The following VPS37C variants were observed in gnomAD, a reference collection of about 807,000 sequenced individuals.
The protein encoded by VPS37C is VPS37C subunit of ESCRT-I.
In VPS37C, 9 loss-of-function variants were observed where a neutral mutation model predicts 16.1. The observed-to-expected ratio is 0.56, with a 90% CI of 0.34 to 0.97. VPS37C has a LOEUF of 0.97. VPS37C is among the 50% of genes least tolerant of loss of function. The pLI is 0.02. For synonymous variants in VPS37C, 207 were observed against 206.4 expected, an observed-to-expected ratio of 1.00 and a Z score of -0.02; for missense variants, 479 against 472.7, an observed-to-expected ratio of 1.01 and a Z score of -0.12.
At chr11:61,132,790 C>T (rs1229009644) in intron 4 of VPS37C, 16 of 599,868 alleles carry the variant, frequency 2.7e-5, no homozygotes, top group Non-Finnish European at 4.1e-5. Context: ...ACCTTGGCAT[C>T]ATGCCAGGCC....
chr11:61,135,220 G>C (rs1034756073), intron 2 of VPS37C, among the ~76,000 whole-genome samples: 2 of 152,208 alleles, frequency 1.3e-5, no homozygotes, highest in Non-Finnish European at 2.9e-5. Context: ...GAAGCCCGTG[G>C]GCATTCTGGA....
chr11:61,150,992 CT>C (rs1185738432), intron 1 of VPS37C, among the ~76,000 whole-genome samples: 2 of 152,224 alleles, frequency 1.3e-5, no homozygotes. Context: ...CGCTCCTAAG[CT>C]GCTGTCCATC....
At chr11:61,148,167 G>A (rs2134647553) in intron 1 of VPS37C, among the ~76,000 whole-genome samples, 1 of 152,254 alleles carries the variant, frequency 6.6e-6, no homozygotes, top group East Asian at 1.9e-4. Context: ...TCGTGCAGGA[G>A]GATTCCAGCC....
rs533827380 is a variant in VPS37C, at chr11:61,158,239, G to C, written c.-7+3152C>G. ...CTTCAAAACATGTGAAACACAAATT[G>C]ATAAAACTACAAGGGGAAATGGACG... On this transcript the variant is annotated intron_variant, in intron 1 of 4. Coordinates refer to ENST00000301765, the MANE Select transcript of VPS37C (RefSeq NM_017966.5). Among the ~76,000 whole-genome samples the C allele has an allele frequency of 7.2e-5, 11 of 152,284 alleles. No individual in the cohort carries two copies. In the East Asian group the frequency reaches 2.1e-3, roughly 29 times the overall value.
Position 61,131,716 on chromosome 11 carries a change from G to C in VPS37C, c.*104C>G. 8.1e-7 allele frequency: 1 copy of C among 1,229,682 alleles called. No individual in the cohort carries two copies. Among genetic ancestry groups the C allele is most frequent in the Non-Finnish European group, 1.0e-6 (1 of 985,916 alleles). The allele number at this position is 1,229,682 out of a possible 1,614,324, so 76.2% of individuals were successfully genotyped here. On this transcript the variant is annotated 3_prime_UTR_variant, in exon 5 of 5. Coordinates refer to ENST00000301765, the MANE Select transcript of VPS37C (RefSeq NM_017966.5). ...TCTGGGTGCCGACGCAAGTCCACAG[G>C]GAGCACCAACGCCACTTCCAGTTGA... is the stretch of plus-strand genomic sequence containing the variant.
intron 1 of VPS37C, among the ~76,000 whole-genome samples, chr11:61,142,520 C>T (rs12276163): frequency 0.074 from 11,306 of 152,176 alleles, 1,128 homozygotes; most frequent in African/African-American, 0.23. Context: ...AGGTGTGAGC[C>T]ACCACACCCA....
At chr11:61,146,801 T>C (rs1020340599) in intron 1 of VPS37C, among the ~76,000 whole-genome samples, 12 of 152,132 alleles carry the variant, frequency 7.9e-5, no homozygotes, top group African/African-American at 2.9e-4. Context: ...AACACTTGCT[T>C]TTGTTTTTTC....
intron 1 of VPS37C, among the ~76,000 whole-genome samples, chr11:61,151,115 G>A (rs1009663762): frequency 2.6e-5 from 4 of 152,156 alleles, no homozygotes; most frequent in South Asian, 4.1e-4. Context: ...CCAGCTTCAC[G>A]GCCCACGCGC....
In VPS37C at chr11:61,160,638, C is replaced by T. The variant is rs11230618; in HGVS notation, c.-7+753G>A. 8.6e-4 allele frequency among the ~76,000 whole-genome samples: 131 copies of T among 152,302 alleles called. 3 individuals are homozygous for T. In the East Asian group the frequency reaches 0.024, roughly 27 times the overall value. ...CTGGGAAAGCACTGCCTCAGCTCAG[C>T]GACTAAAACCCCAGGTTGTAGAGTC... On this transcript the variant is annotated intron_variant, in intron 1 of 4. Coordinates refer to ENST00000301765, the MANE Select transcript of VPS37C (RefSeq NM_017966.5).
Position 61,131,646 on chromosome 11 carries a change from T to G in VPS37C, c.*174A>C, listed in dbSNP as rs958603638. The G allele has an allele frequency of 7.2e-5, 68 of 941,032 alleles. 1 individual carries two copies. The highest frequency in any genetic ancestry group is 2.1e-4 in the Admixed American group (5 of 23,336). The allele number at this position is 941,032 out of a possible 1,614,324, so 58.3% of individuals were successfully genotyped here. On this transcript the variant is annotated 3_prime_UTR_variant, in exon 5 of 5. Transcript: ENST00000301765. The stretch of plus-strand genomic sequence containing the variant: ...GACCTCTGGCCAGAAGGCCAGCAAG[T>G]GCCATGACCAGTCACACCGCCCAGT...
At position 61,134,026 on chromosome 11, in the gene VPS37C, G is replaced by A. The variant is rs370719867; in HGVS notation, c.265+10C>T. ...ATGGGGACCCTGAGTTCACAGAGGA[G>A]CCACCCTACCCAGCTTTGCCTTCTG... On this transcript the variant is annotated intron_variant, in intron 3 of 4. Coordinates refer to ENST00000301765, the MANE Select transcript of VPS37C (RefSeq NM_017966.5). The A allele has an allele frequency of 6.2e-7, 1 of 1,600,966 alleles. No individual in the cohort carries two copies. The highest frequency in any genetic ancestry group is 8.5e-7 in the Non-Finnish European group (1 of 1,169,830).
At chr11:61,144,635 C>T (rs1232969846) in intron 1 of VPS37C, 1 of 152,426 alleles carries the variant, frequency 6.6e-6, no homozygotes, top group Non-Finnish European at 1.5e-5. Context: ...TGACAATGCA[C>T]ATCACAGAGG....
At chr11:61,143,103 A>T (rs1257241118) in intron 1 of VPS37C, among the ~76,000 whole-genome samples, 1 of 151,712 alleles carries the variant, frequency 6.6e-6, no homozygotes, top group African/African-American at 2.4e-5. Context: ...TGTAAAACAG[A>T]GCGGCGTGCG....
intron 1 of VPS37C, among the ~76,000 whole-genome samples, chr11:61,147,688 T>C (rs1204170453): frequency 1.3e-5 from 2 of 150,840 alleles, no homozygotes; most frequent in African/African-American, 4.9e-5. Flanking sequence ...TTTCCAAGGA[T>C]AACCTTCAAC....
intron 1 of VPS37C, chr11:61,144,137 T>A (rs1853154126): frequency 6.6e-6 from 1 of 151,658 alleles, no homozygotes; most frequent in South Asian, 2.1e-4. Context: ...CCCGGCTAAT[T>A]TTTTTATATT....
At chr11:61,156,591 AAAC>A (rs1445863122) in intron 1 of VPS37C, among the ~76,000 whole-genome samples, 1 of 152,162 alleles carries the variant, frequency 6.6e-6, no homozygotes, top group Non-Finnish European at 1.5e-5. Flanking sequence ...TCTCAAAAAA[AAAC>A]AAAAACAAAA....
At chr11:61,158,494 G>A (rs574617573) in intron 1 of VPS37C, among the ~76,000 whole-genome samples, 1 of 152,296 alleles carries the variant, frequency 6.6e-6, no homozygotes, top group East Asian at 1.9e-4. Context: ...ATTTAATAGA[G>A]AAGTATGTTC....
rs1345812615 is a variant in VPS37C at position 61,158,151 on chromosome 11, AAAG to A, written c.-7+3237_-7+3239del. On this transcript the variant is annotated intron_variant, in intron 1 of 4. Transcript: ENST00000301765. ...GCAAAACAGACTAATGCAATACAATAAAGAAGGTCAATTCATACACGGAATATA... is the reference window on the plus strand; with the variant it reads ...GCAAAACAGACTAATGCAATACAATAAAGGTCAATTCATACACGGAATATA... Among the ~76,000 whole-genome samples, 7 of 152,258 alleles carry A rather than the reference AAAG, an allele frequency of 4.6e-5. No individual in the cohort carries two copies. The East Asian group carries it at 1.3e-3, about 29-fold the overall frequency.
At chr11:61,141,038 T>C (rs1217884227) in intron 1 of VPS37C, among the ~76,000 whole-genome samples, 3 of 152,016 alleles carry the variant, frequency 2.0e-5, no homozygotes, top group Admixed American at 6.6e-5. Flanking sequence ...TAGCATCTGA[T>C]TGTAAAAATT....
Sources: gnomAD v4.1 joint callset for allele counts (sites outside exome capture counted in the v4.1 genomes callset) on GRCh38, gnomAD v4.1.1 for gene constraint, MANE v1.5 for transcripts, NCBI Gene and HGNC (gene_info 2026-07-23, HGNC 2026-07-21) for gene names.